Variants in KLC1 observed in about 807,000 individuals in gnomAD.
The protein encoded by KLC1 is kinesin light chain 1, also known as kinesin 2 60/70kDa.
In KLC1, 30 loss-of-function variants were observed where a neutral mutation model predicts 84.2. The ratio of observed to expected loss-of-function variants is 0.36; its 90% confidence interval spans 0.27 to 0.48. The LOEUF (loss-of-function observed/expected upper bound fraction) is 0.48. Ranked by LOEUF, KLC1 falls within the 20% of genes least tolerant of loss-of-function variation. The probability of loss-of-function intolerance (pLI) is 0.99; values close to 1 mark genes in which losing one functional copy is unlikely to be tolerated. For missense variants in KLC1, 499 were observed against 805.4 expected (o/e 0.62, Z 4.60); for synonymous variants, 289 against 293.3 (o/e 0.99, Z 0.15).
chr14:103,685,074 G>A, intron 13 of KLC1: 1 of 1,544,544 alleles, frequency 6.5e-7, no homozygotes, highest in South Asian at 1.2e-5. Flanking sequence ...CCTGCCGTCT[G>A]GCGCTTCTGT....
intron 9 of KLC1, among the ~76,000 whole-genome samples, chr14:103,673,871 C>T (rs1021322978): frequency 1.6e-4 from 24 of 151,712 alleles, no homozygotes; most frequent in African/African-American, 4.6e-4. Context: ...TGCAGTGAGC[C>T]GAGATCGTGC....
chr14:103,669,432 T>TAAAAAAAAAGA, intron 5 of KLC1, 79 bp from the exon 6 acceptor site: 2 of 824,414 alleles, frequency 2.4e-6, no homozygotes, highest in Non-Finnish European at 3.9e-6. Context: ...AGACTCTGTC[T>TAAAAAAAAAGA]AAAAAAAAAG....
chr14:103,698,759 G>T (rs781095418), intron 15 of KLC1: 3 of 1,549,512 alleles, frequency 1.9e-6, no homozygotes, highest in Non-Finnish European at 2.6e-6. Context: ...CCGTGTGTCG[G>T]GGCTTCTCAG....
chr14:103,654,642 T>C lies in KLC1; in HGVS notation c.78T>C (p.Ser26=). Residue 26 remains serine (S), a synonymous_variant, in exon 2 of 17, where the codon TCT becomes TCC. Coordinates refer to ENST00000334553, the MANE Select transcript of KLC1 (RefSeq NM_001394837.1). Reference sequence around the variant, plus strand: ...AGCTTACACAGGATGAAATTATTTCTAAGACAAAGCAAGTAATTCAGGGGC... The same window carrying C: ...AGCTTACACAGGATGAAATTATTTCCAAGACAAAGCAAGTAATTCAGGGGC... ...LEKLTQDEII[S]KTKQVIQGLE... The C allele has an allele frequency of 6.2e-7, 1 of 1,614,190 alleles. No homozygotes were observed. Among genetic ancestry groups the C allele is most frequent in the Non-Finnish European group, 8.5e-7 (1 of 1,180,008 alleles).
chr14:103,648,964 G>C (rs1182935169), intron 1 of KLC1, among the ~76,000 whole-genome samples: 1 of 150,170 alleles, frequency 6.7e-6, no homozygotes, highest in Non-Finnish European at 1.5e-5. Flanking sequence ...TGGCGAAACT[G>C]TGTCTCTACT....
chr14:103,696,888 G>C (rs2082571871), intron 15 of KLC1: 2 of 985,246 alleles, frequency 2.0e-6, no homozygotes. Context: ...CAGTGTTCTG[G>C]GACTGACTGC....
intron 3 of KLC1, among the ~76,000 whole-genome samples, chr14:103,660,909 T>C (rs4906353): frequency 0.93 from 142,240 of 152,298 alleles, 66,665 homozygotes; most frequent in East Asian, 0.98. Context: ...ACCTGGGACA[T>C]TGGAGGATGT....
At chr14:103,687,345 G>T in intron 14 of KLC1, 134 bp downstream of exon 14, 1 of 895,320 alleles carries the variant, frequency 1.1e-6, no homozygotes, top group Non-Finnish European at 1.5e-6. Flanking sequence ...CACAACCGAA[G>T]GGTTTCATAG....
At chr14:103,667,835 T>C (rs1333963399) in intron 5 of KLC1, among the ~76,000 whole-genome samples, 2 of 152,238 alleles carry the variant, frequency 1.3e-5, no homozygotes, top group African/African-American at 2.4e-5. Context: ...CAGTTACTAC[T>C]ACTCAATTGA....
At position 103,645,204 on chromosome 14, in the gene KLC1, C is replaced by G. The variant is rs915407259; in HGVS notation, c.-1-9360C>G. ...GCTAGGCTGGTCTCGAACTCCCGACCTCAGGTGATCCGCCCGCCTCGGCCT... is the reference window on the plus strand; with the variant it reads ...GCTAGGCTGGTCTCGAACTCCCGACGTCAGGTGATCCGCCCGCCTCGGCCT... On this transcript the variant is annotated intron_variant, in intron 1 of 16. Transcript: ENST00000334553. 3.3e-5 allele frequency among the ~76,000 whole-genome samples: 5 copies of G among 152,016 alleles called. No homozygotes were observed. The East Asian group carries it at 7.8e-4, about 24-fold the overall frequency.
intron 5 of KLC1, among the ~76,000 whole-genome samples, chr14:103,668,808 C>G (rs2080121852): frequency 7.1e-6 from 1 of 141,826 alleles, no homozygotes; most frequent in Non-Finnish European, 1.5e-5. Context: ...GAGACAGTCT[C>G]ACTCTGTCGC....
intron 15 of KLC1, among the ~76,000 whole-genome samples, chr14:103,692,692 CTAAT>C (rs1567041865): frequency 6.6e-6 from 1 of 152,200 alleles, no homozygotes; most frequent in African/African-American, 2.4e-5. Flanking sequence ...ATAGTTTAAC[CTAAT>C]TAATGTATTC....
At chr14:103,659,732 C>G (rs867206416) in intron 3 of KLC1, among the ~76,000 whole-genome samples, 1 of 152,116 alleles carries the variant, frequency 6.6e-6, no homozygotes, top group South Asian at 2.1e-4. Context: ...TGCGTAGCAC[C>G]AGCAAACCTG....
At chr14:103,650,439 G>A (rs1198393175) in intron 1 of KLC1, among the ~76,000 whole-genome samples, 2 of 152,114 alleles carry the variant, frequency 1.3e-5, no homozygotes, top group Non-Finnish European at 1.5e-5. Flanking sequence ...AGGCATACAC[G>A]GCATGAGAGT....
intron 1 of KLC1, among the ~76,000 whole-genome samples, chr14:103,650,376 G>A (rs1221388407): frequency 2.0e-5 from 3 of 152,092 alleles, no homozygotes; most frequent in African/African-American, 7.2e-5. Flanking sequence ...TTGCATGCCC[G>A]TGGGTTGCTA....
chr14:103,630,163 C>G lies in KLC1; in HGVS notation c.-2+669C>G, dbSNP rs892913606. Among the ~76,000 whole-genome samples the G allele has an allele frequency of 2.6e-5, 4 of 152,228 alleles. No homozygotes were observed. In the East Asian group the frequency reaches 7.7e-4, roughly 29 times the overall value. ...CCTGTTCACCTAGGCTGGCGTTGCTCCAACTAAACTTGAAGCAGCCTCCGT... is the reference window on the plus strand; with the variant it reads ...CCTGTTCACCTAGGCTGGCGTTGCTGCAACTAAACTTGAAGCAGCCTCCGT... On this transcript the variant is annotated intron_variant, in intron 1 of 16. Transcript: ENST00000334553.
In KLC1 at chr14:103,657,564, A is replaced by G. The variant is rs749834450; in HGVS notation, c.280A>G (p.Asn94Asp). Reference protein sequence around the residue: ...SEAQVMMALSNHLNAVESEKQ... With the variant: ...SEAQVMMALSDHLNAVESEKQ... ...TGCTCAGGTTATGATGGCTTTGTCA[A>G]ATCACCTGAATGCTGTGGAGTCCGA... Residue 94 changes from asparagine to aspartate, a missense_variant, in exon 3 of 17, where the codon AAT becomes GAT. This residue lies in a region of KLC1 where 179 missense variants were observed against 264.2 expected (regional missense o/e 0.68). Coordinates refer to ENST00000334553, the MANE Select transcript of KLC1 (RefSeq NM_001394837.1). The G allele has an allele frequency of 6.2e-6, 10 of 1,613,970 alleles. No homozygotes were observed. The highest frequency in any genetic ancestry group is 8.5e-6 in the Non-Finnish European group (10 of 1,179,864).
intron 15 of KLC1, chr14:103,698,580 G>A: frequency 1.7e-6 from 1 of 596,230 alleles, no homozygotes; most frequent in Admixed American, 2.9e-5. Flanking sequence ...AAGCGGGCCT[G>A]TCCCCAGACC....
At chr14:103,685,409 C>T in intron 13 of KLC1, 2 of 1,193,550 alleles carry the variant, frequency 1.7e-6, no homozygotes, top group Non-Finnish European at 2.1e-6. Flanking sequence ...CTTTGATGAC[C>T]ATTGGGAATG....
Sources: allele counts gnomAD v4.1 joint callset (sites outside exome capture counted in the v4.1 genomes callset), GRCh38; gene constraint gnomAD v4.1.1; regional missense constraint gnomAD v4.1.1; transcripts MANE v1.5; gene names NCBI Gene and HGNC (gene_info 2026-07-23, HGNC 2026-07-21).